The following BCL2L14 variants were observed in gnomAD, a reference collection of about 807,000 sequenced individuals.
BCL2L14 encodes BCL2 like 14, also known as apoptosis facilitator Bcl-2-like protein 14.
A neutral mutation model predicts 35.3 loss-of-function variants in BCL2L14; 27 were observed. That is an observed-to-expected ratio of 0.76 (90% CI 0.56 to 1.05). BCL2L14 has a LOEUF of 1.05. BCL2L14 is among the 50% of genes least tolerant of loss of function. The pLI, the probability that BCL2L14 is intolerant of heterozygous loss-of-function variation, is 0.00. For missense variants in BCL2L14, 377 were observed against 382.6 expected, an observed-to-expected ratio of 0.99 and a Z score of 0.12; for synonymous variants, 139 against 145.9, an observed-to-expected ratio of 0.95 and a Z score of 0.34.
intron 2 of BCL2L14, among the ~76,000 whole-genome samples, chr12:12,053,141 A>G (rs1279369405): frequency 6.6e-6 from 1 of 152,226 alleles, no homozygotes; most frequent in South Asian, 2.1e-4. Flanking sequence ...AACACCTTAC[A>G]TATTTACATT....
At chr12:12,053,626 G>A (rs1948390081) in intron 2 of BCL2L14, among the ~76,000 whole-genome samples, 2 of 152,130 alleles carry the variant, frequency 1.3e-5, no homozygotes, top group South Asian at 4.1e-4. Context: ...CTCCATGTTG[G>A]TTAGGCTGGT....
In BCL2L14 at chr12:12,094,648, AT is replaced by A; in HGVS notation, c.679-14del. On this transcript the variant is annotated splice_polypyrimidine_tract_variant and intron_variant, in intron 4 of 5. Transcript: ENST00000308721. ...AGCCAAGCTACTGTACTGAGTGCTT[AT>A]TCTTTTGTACACAGCTGAAGAAAGA... is the stretch of plus-strand genomic sequence containing the variant. 1 of 1,614,178 alleles carries A rather than the reference AT, an allele frequency of 6.2e-7. No homozygotes were observed.
At chr12:12,064,802 A>T (rs994617778) in intron 2 of BCL2L14, among the ~76,000 whole-genome samples, 1 of 152,196 alleles carries the variant, frequency 6.6e-6, no homozygotes, top group Non-Finnish European at 1.5e-5. Flanking sequence ...GAAATGACCT[A>T]TGTTTATCAG....
chr12:12,065,550 AG>A (rs1948584483), intron 2 of BCL2L14, among the ~76,000 whole-genome samples: 1 of 140,062 alleles, frequency 7.1e-6, no homozygotes. Flanking sequence ...AAAAAAAAAA[AG>A]AAGAAGAAGT....
At chr12:12,060,525 C>T (rs1424350805) in intron 2 of BCL2L14, among the ~76,000 whole-genome samples, 1 of 100,924 alleles carries the variant, frequency 9.9e-6, no homozygotes, top group Admixed American at 1.1e-4. Flanking sequence ...TCAAGGTGTA[C>T]AATAATAGAA....
intron 3 of BCL2L14, 49 bp from the exon 4 acceptor site, chr12:12,090,730 A>T: frequency 6.7e-7 from 1 of 1,487,310 alleles, no homozygotes; most frequent in Non-Finnish European, 9.4e-7. Flanking sequence ...AAAATGTAAG[A>T]TTATTTTTTG....
intron 4 of BCL2L14, among the ~76,000 whole-genome samples, chr12:12,092,564 C>A (rs999056522): frequency 6.6e-6 from 1 of 152,164 alleles, no homozygotes; most frequent in African/African-American, 2.4e-5. Flanking sequence ...GCCAGGTGCA[C>A]CCGAGAGGGA....
chr12:12,091,823 C>T (rs1193983645), intron 4 of BCL2L14, among the ~76,000 whole-genome samples: 1 of 152,124 alleles, frequency 6.6e-6, no homozygotes, highest in Non-Finnish European at 1.5e-5. Flanking sequence ...AGAGATGGAA[C>T]AGGATCATGA....
rs748418183 is a variant in BCL2L14 at position 12,098,950 on chromosome 12, G to A, written c.946G>A (p.Glu316Lys). 3.0e-5 allele frequency: 48 copies of A among 1,590,684 alleles called. No individual in the cohort carries two copies. The highest frequency in any genetic ancestry group is 1.0e-4 in the Admixed American group (6 of 59,804). The change falls in exon 6 of 6, where the codon GAA becomes AAA. Residue 316 changes from glutamate to lysine, a missense_variant and splice_region_variant. Coordinates refer to ENST00000308721, the MANE Select transcript of BCL2L14 (RefSeq NM_138723.2). ...SPWIQQHGGWEKILGISHEEV... is the reference protein window; with the variant it reads ...SPWIQQHGGWKKILGISHEEV... ...TTAAGAACCTATTTTTCCCCTCTAG[G>A]AAAAAATACTTGGGATATCACATGA...
intron 3 of BCL2L14, among the ~76,000 whole-genome samples, chr12:12,088,777 CA>C (rs755983793): frequency 4.6e-5 from 7 of 152,122 alleles, no homozygotes; most frequent in Non-Finnish European, 8.8e-5. Flanking sequence ...CCGTGTCTCC[CA>C]ACCCCGATGC....
intron 2 of BCL2L14, among the ~76,000 whole-genome samples, chr12:12,056,639 G>C (rs1322254823): frequency 6.6e-6 from 1 of 152,196 alleles, no homozygotes; most frequent in Non-Finnish European, 1.5e-5. Context: ...TTCGAGACCA[G>C]CCTGACCAAC....
At position 12,094,879 on chromosome 12, in the gene BCL2L14, C is replaced by T. The variant is rs367766873; in HGVS notation, c.894C>T (p.Thr298=). The T allele has an allele frequency of 1.8e-5, 29 of 1,614,018 alleles. No individual in the cohort carries two copies. Among genetic ancestry groups the T allele is most frequent in the Non-Finnish European group, 2.4e-5 (28 of 1,180,050 alleles). ...TGAACAGGGTCCTGGGCTTTGGCACCAAGTACCTGAAAGAGAACTTCTCGC... is the reference window on the plus strand; with the variant it reads ...TGAACAGGGTCCTGGGCTTTGGCACTAAGTACCTGAAAGAGAACTTCTCGC... ...HPMNRVLGFG[T]KYLKENFSPW... The change falls in exon 5 of 6, where the codon ACC becomes ACT. Residue 298 remains threonine, a synonymous_variant. Coordinates refer to ENST00000308721, the MANE Select transcript of BCL2L14 (RefSeq NM_138723.2).
intron 5 of BCL2L14, among the ~76,000 whole-genome samples, chr12:12,096,869 C>A (rs931167293): frequency 6.6e-6 from 1 of 152,204 alleles, no homozygotes; most frequent in Admixed American, 6.5e-5. Context: ...AGGGGCCGGG[C>A]GCAGTGGCTC....
rs36147842 is a variant in BCL2L14 at position 12,093,794 on chromosome 12, G to GAAAAA, written c.679-862_679-858dup. ...GGCAAGAGAGTGAGACTCCATCTCA[G>GAAAAA]AAAAAAAAAAAAGAAAGAAAGAAAA... is the stretch of plus-strand genomic sequence containing the variant. On this transcript the variant is annotated intron_variant, in intron 4 of 5. Coordinates refer to ENST00000308721, the MANE Select transcript of BCL2L14 (RefSeq NM_138723.2). 8.3e-4 allele frequency among the ~76,000 whole-genome samples: 109 copies of GAAAAA among 131,650 alleles called. 1 individual carries two copies. Among genetic ancestry groups the GAAAAA allele is most frequent in the Admixed American group, 1.2e-3 (16 of 12,950 alleles). The allele number at this position is 131,650 out of a possible 152,430, so 86.4% of individuals were successfully genotyped here.
At chr12:12,073,806 T>C (rs11833504) in intron 1 of BCL2L14, among the ~76,000 whole-genome samples, 5,015 of 152,212 alleles carry the variant, frequency 0.033, 266 homozygotes, top group African/African-American at 0.11. Context: ...AAGGAAGCCT[T>C]GAATCAAAAG....
In BCL2L14 at chr12:12,079,497, T is replaced by C. The variant is rs1261626586; in HGVS notation, c.192T>C (p.Asn64=). Residue 64 remains asparagine (N), a synonymous_variant, in exon 2 of 6, where the codon AAT becomes AAC. Transcript: ENST00000308721. The part of the protein sequence containing the change: ...SQRGLGNCSA[N]ESWTEVSWPC... ...GGGGCCTGGGGAATTGTTCAGCAAA[T>C]GAGTCATGGACAGAGGTGTCATGGC... 6.2e-7 allele frequency: 1 copy of C among 1,614,184 alleles called. No homozygotes were observed. The highest frequency in any genetic ancestry group is 2.2e-5 in the East Asian group (1 of 44,880).
At chr12:12,058,141 G>A (rs543326630) in intron 2 of BCL2L14, among the ~76,000 whole-genome samples, 10 of 151,724 alleles carry the variant, frequency 6.6e-5, no homozygotes, top group African/African-American at 2.4e-4. Flanking sequence ...TAGTAGCGAC[G>A]AGGTTTCACC....
At chr12:12,072,242 G>A (rs1342395258) in intron 1 of BCL2L14, 3 of 152,278 alleles carry the variant, frequency 2.0e-5, no homozygotes. Flanking sequence ...CCACCGGGAG[G>A]GAAGTGAAAT....
chr12:12,080,434 C>A (rs904841561), intron 2 of BCL2L14, among the ~76,000 whole-genome samples: 12 of 151,272 alleles, frequency 7.9e-5, no homozygotes, highest in South Asian at 2.1e-4. Context: ...GCCTGGCCAA[C>A]ATAGTGAAAA....
Sources: allele counts gnomAD v4.1 joint callset (sites outside exome capture counted in the v4.1 genomes callset), GRCh38; gene constraint gnomAD v4.1.1; transcripts MANE v1.5; gene names NCBI Gene and HGNC (gene_info 2026-07-23, HGNC 2026-07-21).